ODAD2: variants seen among roughly 807,000 people sequenced by gnomAD.
The protein encoded by ODAD2 is outer dynein arm docking complex subunit 2.
In ODAD2, 89 loss-of-function variants were observed where a neutral mutation model predicts 106.8. The ratio of observed to expected loss-of-function variants is 0.83; its 90% CI spans 0.70 to 0.99. The LOEUF is 0.99. Ranked by LOEUF, ODAD2 falls within the 50% of genes least tolerant of loss-of-function variation. ODAD2 has a pLI of 0.00. For missense variants in ODAD2, 1,168 were observed against 1,238.5 expected, an observed-to-expected ratio of 0.94 and a Z score of 0.85; for synonymous variants, 404 against 436.2, an observed-to-expected ratio of 0.93 and a Z score of 0.92.
At chr10:27,978,540 C>T (rs947864402) in intron 7 of ODAD2, among the ~76,000 whole-genome samples, 2 of 152,114 alleles carry the variant, frequency 1.3e-5, no homozygotes, top group African/African-American at 4.8e-5. Flanking sequence ...CACCTGTAAT[C>T]CCAGCACTTT....
intron 10 of ODAD2, among the ~76,000 whole-genome samples, chr10:27,959,267 A>G (rs1416407531): frequency 4.7e-5 from 7 of 150,142 alleles, no homozygotes; most frequent in African/African-American, 1.5e-4. Flanking sequence ...AAAGAAAGAA[A>G]GGAAAGGAAA....
chr10:27,992,395 G>C (rs1234976931), intron 2 of ODAD2, among the ~76,000 whole-genome samples: 2 of 152,280 alleles, frequency 1.3e-5, no homozygotes, highest in East Asian at 1.9e-4. Flanking sequence ...TGTGCATAAA[G>C]ACTGCATGCA....
intron 7 of ODAD2, among the ~76,000 whole-genome samples, chr10:27,972,638 G>A (rs1848932752): frequency 6.6e-6 from 1 of 152,054 alleles, no homozygotes; most frequent in Non-Finnish European, 1.5e-5. Flanking sequence ...ATTAAAATCA[G>A]ACAATATCGA....
chr10:27,989,115 G>T (rs1327305560), intron 2 of ODAD2, among the ~76,000 whole-genome samples: 1 of 152,132 alleles, frequency 6.6e-6, no homozygotes, highest in Non-Finnish European at 1.5e-5. Context: ...CAACCCTGCC[G>T]ATACCTTGAT....
rs183241566 is a variant in ODAD2, at chr10:27,901,979, C to T, written c.2610+5684G>A. Among the ~76,000 whole-genome samples, 52 of 152,282 alleles carry T rather than the reference C, an allele frequency of 3.4e-4. No homozygotes were observed. In the East Asian group the frequency reaches 9.3e-3, roughly 27 times the overall value. ...ACCTAATAGACATCTACATAACTCT[C>T]CACCCCAGATCAACAGAATATACAT... On this transcript the variant is annotated intron_variant, in intron 17 of 19. Transcript: ENST00000305242.
chr10:27,830,571 C>T (rs917210880), intron 19 of ODAD2, among the ~76,000 whole-genome samples: 2 of 152,338 alleles, frequency 1.3e-5, no homozygotes, highest in Non-Finnish European at 2.9e-5. Context: ...CAATATCATA[C>T]GTGCATTTCA....
At position 27,885,713 on chromosome 10, in the gene ODAD2, ATT is replaced by A. The variant is rs1491186437; in HGVS notation, c.2610+21948_2610+21949del. ...AATATATAATATATATAAAATATAT[ATT>A]ATATATTATATATAAAATATATTAT... On this transcript the variant is annotated intron_variant, in intron 17 of 19. Transcript: ENST00000305242. 1.6e-3 allele frequency among the ~76,000 whole-genome samples: 67 copies of A among 41,896 alleles called. 2 individuals are homozygous for A. The South Asian group carries it at 0.037, about 23-fold the overall frequency. 27.5% of individuals were successfully genotyped at this position (41,896 alleles called of 152,430 possible).
chr10:27,940,176 T>C (rs1481335689), intron 13 of ODAD2, among the ~76,000 whole-genome samples, 169 bp from the exon 14 acceptor site: 1 of 151,990 alleles, frequency 6.6e-6, no homozygotes, highest in Non-Finnish European at 1.5e-5. Flanking sequence ...TATACACATA[T>C]GTGTGTTTGT....
At chr10:27,838,706 G>A (rs533122216) in intron 19 of ODAD2, among the ~76,000 whole-genome samples, 1 of 152,288 alleles carries the variant, frequency 6.6e-6, no homozygotes, top group Non-Finnish European at 1.5e-5. Context: ...ATTTGGCAAA[G>A]GTACCCAGTA....
intron 17 of ODAD2, among the ~76,000 whole-genome samples, chr10:27,898,888 G>A (rs1279704269): frequency 6.6e-6 from 1 of 151,826 alleles, no homozygotes; most frequent in Non-Finnish European, 1.5e-5. Context: ...GTTTATAATA[G>A]GTCTCCTCTA....
At chr10:27,842,013 GAACA>G (rs1039926810) in intron 19 of ODAD2, among the ~76,000 whole-genome samples, 3 of 152,110 alleles carry the variant, frequency 2.0e-5, no homozygotes, top group African/African-American at 7.2e-5. Context: ...TATGGCCGCT[GAACA>G]AACACTTTCC....
chr10:27,961,574 A>G lies in ODAD2; in HGVS notation c.1380T>C (p.Tyr460=), dbSNP rs771197791. The part of the protein sequence containing the change: ...EYWQIQKLVK[Y]LKGGNQTATV... ...TACCATAGACCTTTCTTACCTTTAAATATTTCACCAGCTTCTGAATTTGCC... is the reference window on the plus strand; with the variant it reads ...TACCATAGACCTTTCTTACCTTTAAGTATTTCACCAGCTTCTGAATTTGCC... Residue 460 remains tyrosine, a synonymous_variant, in exon 10 of 20, where the codon TAT becomes TAC. Transcript: ENST00000305242. 50 of 1,610,490 alleles carry G rather than the reference A, an allele frequency of 3.1e-5. No individual in the cohort carries two copies. The highest frequency in any genetic ancestry group is 4.0e-5 in the African/African-American group (3 of 74,762).
At chr10:27,877,047 A>G (rs1556641) in intron 17 of ODAD2, among the ~76,000 whole-genome samples, 78,075 of 151,844 alleles carry the variant, frequency 0.51, 22,388 homozygotes, top group Middle Eastern at 0.68. Context: ...GTGAACATTC[A>G]AAAATATTTG....
At chr10:27,846,973 C>T (rs1589812880) in intron 19 of ODAD2, among the ~76,000 whole-genome samples, 3 of 152,294 alleles carry the variant, frequency 2.0e-5, no homozygotes, top group Admixed American at 6.5e-5. Context: ...GATGGATTCA[C>T]AGCCAAATTC....
intron 16 of ODAD2, among the ~76,000 whole-genome samples, chr10:27,929,038 G>A (rs978610604): frequency 1.7e-4 from 26 of 152,204 alleles, no homozygotes; most frequent in South Asian, 2.1e-4. Context: ...TACACTATAC[G>A]TATGAACAAA....
chr10:27,907,575 A>AAGGG, intron 17 of ODAD2, 88 bp downstream of exon 17: 4 of 806,220 alleles, frequency 5.0e-6, no homozygotes, highest in Middle Eastern at 4.8e-4. Flanking sequence ...GACTTACAAT[A>AAGGG]AGTCAAAAGC....
intron 7 of ODAD2, among the ~76,000 whole-genome samples, chr10:27,978,689 G>A (rs1478161807): frequency 6.6e-6 from 1 of 152,034 alleles, no homozygotes; most frequent in Non-Finnish European, 1.5e-5. Context: ...CTACTATGGG[G>A]GCTGAGGCAG....
At chr10:27,832,768 A>G (rs1310165153) in intron 19 of ODAD2, among the ~76,000 whole-genome samples, 1 of 152,084 alleles carries the variant, frequency 6.6e-6, no homozygotes, top group Non-Finnish European at 1.5e-5. Flanking sequence ...TACACTCACA[A>G]TGGGTATCCT....
rs562493234 is a variant in ODAD2, at chr10:27,818,703, C to G, written c.3022-6078G>C. Among the ~76,000 whole-genome samples the G allele has an allele frequency of 7.2e-5, 11 of 152,300 alleles. No homozygotes were observed. In the South Asian group the frequency reaches 2.3e-3, roughly 32 times the overall value. ...TAGCTACAGCAACTCCACCTAATAT[C>G]TACCTCTCATGGCCACCCGCCTCGC... On this transcript the variant is annotated intron_variant, in intron 19 of 19. Transcript: ENST00000305242.
Sources: gnomAD v4.1 joint callset for allele counts (sites outside exome capture counted in the v4.1 genomes callset) on GRCh38, gnomAD v4.1.1 for gene constraint, MANE v1.5 for transcripts, NCBI Gene and HGNC (gene_info 2026-07-23, HGNC 2026-07-21) for gene names.